Variants in TRIO observed in about 807,000 individuals in gnomAD.
TRIO encodes the protein trio Rho guanine nucleotide exchange factor.
TRIO carries 58 observed loss-of-function variants against 351.9 expected under a neutral mutation model. That is an observed-to-expected ratio of 0.16 (90% confidence interval 0.13 to 0.21). The LOEUF (loss-of-function observed/expected upper bound fraction) is 0.21, where lower values mean the gene tolerates loss of function less well. TRIO is among the 10% of genes least tolerant of loss of function. The probability of loss-of-function intolerance (pLI) is 1.00; values close to 1 mark genes in which losing one functional copy is unlikely to be tolerated. For synonymous variants in TRIO, 1,758 were observed against 1,595.7 expected (o/e 1.10, Z -2.42); for missense variants, 3,201 against 4,027.8 (o/e 0.79, Z 5.56).
At chr5:14,187,016 C>T (rs781111910) in intron 1 of TRIO, among the ~76,000 whole-genome samples, 7 of 152,026 alleles carry the variant, frequency 4.6e-5, no homozygotes, top group Non-Finnish European at 8.8e-5. Context: ...TTAGATAGGG[C>T]GTGAGGGCTT....
chr5:14,272,856 CTTGTG>C (rs768166008), intron 2 of TRIO, among the ~76,000 whole-genome samples: 6 of 152,204 alleles, frequency 3.9e-5, no homozygotes, highest in Non-Finnish European at 5.9e-5. Context: ...AAATTGACTA[CTTGTG>C]TTGTATTACA....
chr5:14,353,551 C>G (rs761487056), intron 11 of TRIO, among the ~76,000 whole-genome samples: 7 of 152,148 alleles, frequency 4.6e-5, no homozygotes, highest in Non-Finnish European at 8.8e-5. Flanking sequence ...GCGTGAACCA[C>G]CACACCCAGC....
chr5:14,215,301 C>G (rs940966235), intron 1 of TRIO, among the ~76,000 whole-genome samples: 2 of 152,204 alleles, frequency 1.3e-5, no homozygotes, highest in East Asian at 3.8e-4. Context: ...ATTTCTTTCA[C>G]AAACGTTCTT....
intron 1 of TRIO, among the ~76,000 whole-genome samples, chr5:14,209,455 C>T (rs1791748794): frequency 6.6e-6 from 1 of 152,234 alleles, no homozygotes; most frequent in South Asian, 2.1e-4. Context: ...TACTTTGAGG[C>T]AAGTCCCAGT....
At chr5:14,233,015 A>G (rs1215831436) in intron 1 of TRIO, among the ~76,000 whole-genome samples, 2 of 152,148 alleles carry the variant, frequency 1.3e-5, no homozygotes, top group Non-Finnish European at 1.5e-5. Context: ...GAGGGTGGGA[A>G]GTGCTGGGCT....
At chr5:14,482,841 C>T (rs1755634030) in intron 46 of TRIO, 68 bp downstream of exon 46, 5 of 1,347,032 alleles carry the variant, frequency 3.7e-6, no homozygotes, top group Non-Finnish European at 3.9e-6. Flanking sequence ...ACACTGTTTC[C>T]TTTTAATGAT....
chr5:14,414,708 C>T (rs564117903), intron 33 of TRIO, among the ~76,000 whole-genome samples: 60 of 151,942 alleles, frequency 3.9e-4, no homozygotes, highest in Admixed American at 6.5e-4. Context: ...CCTAGTGTAT[C>T]GGAGCCTATC....
At chr5:14,152,572 A>G (rs984854945) in intron 1 of TRIO, among the ~76,000 whole-genome samples, 5 of 152,128 alleles carry the variant, frequency 3.3e-5, no homozygotes, top group African/African-American at 9.7e-5. Context: ...GGGTTTCACC[A>G]TCTTGGCCAG....
At chr5:14,160,442 TG>T (rs1355008466) in intron 1 of TRIO, among the ~76,000 whole-genome samples, 1 of 152,212 alleles carries the variant, frequency 6.6e-6, no homozygotes, top group East Asian at 1.9e-4. Context: ...GTGTAATGAA[TG>T]AGCTGTTTAT....
intron 9 of TRIO, among the ~76,000 whole-genome samples, chr5:14,323,280 A>G (rs1431500097): frequency 6.6e-6 from 1 of 152,160 alleles, no homozygotes; most frequent in African/African-American, 2.4e-5. Context: ...TTTCCAGGTA[A>G]TAAAAGCAAG....
At chr5:14,371,993 A>G (rs1165977777) in intron 18 of TRIO, among the ~76,000 whole-genome samples, 1 of 152,116 alleles carries the variant, frequency 6.6e-6, no homozygotes, top group Non-Finnish European at 1.5e-5. Flanking sequence ...CAGGGTCCAC[A>G]TATTGATTTG....
At chr5:14,278,930 C>T (rs1007391749) in intron 2 of TRIO, among the ~76,000 whole-genome samples, 4 of 152,116 alleles carry the variant, frequency 2.6e-5, no homozygotes, top group African/African-American at 9.7e-5. Flanking sequence ...TTTGTCTGGG[C>T]GAAGACCTAG....
chr5:14,377,958 G>T (rs536713408), intron 19 of TRIO, 54 bp from the exon 20 acceptor site: 3 of 1,344,498 alleles, frequency 2.2e-6, no homozygotes, highest in African/African-American at 2.9e-5. Flanking sequence ...GAATTTCGCG[G>T]TTGTTTTAAT....
intron 34 of TRIO, among the ~76,000 whole-genome samples, chr5:14,447,308 T>C (rs1752510429): frequency 6.6e-6 from 1 of 152,216 alleles, no homozygotes; most frequent in Admixed American, 6.5e-5. Context: ...TTCCCCTTAA[T>C]GCTGTTATTA....
chr5:14,182,140 C>G (rs1202433952), intron 1 of TRIO, among the ~76,000 whole-genome samples: 1 of 151,600 alleles, frequency 6.6e-6, no homozygotes, highest in African/African-American at 2.4e-5. Context: ...AATGACGTCT[C>G]TGAGCTGTGT....
At chr5:14,271,467 G>A (rs369499039) in intron 2 of TRIO, among the ~76,000 whole-genome samples, 17 of 152,286 alleles carry the variant, frequency 1.1e-4, no homozygotes, top group African/African-American at 4.1e-4. Flanking sequence ...TGGCCCGCCC[G>A]CAGACAGACT....
chr5:14,289,550 CT>C (rs35139502), intron 4 of TRIO, among the ~76,000 whole-genome samples: 38,641 of 151,156 alleles, frequency 0.26, 5,718 homozygotes, highest in African/African-American at 0.4. Context: ...CCTTTTTTTC[CT>C]TTTTTAAAAA....
rs146479994 is a variant in TRIO, at chr5:14,438,154, T to C, written c.5203+18133T>C. 9.5e-3 allele frequency among the ~76,000 whole-genome samples: 1,452 copies of C among 152,342 alleles called. 22 individuals are homozygous for C. Among genetic ancestry groups the C allele is most frequent in the African/African-American group, 0.033 (1,389 of 41,590 alleles). ...ATTACACGTGTTCTCTTCCGCCAAG[T>C]GCCTGTGACGTTTGTCTCTGACCCA... On this transcript the variant is annotated intron_variant, in intron 34 of 56. Transcript: ENST00000344204.
In TRIO at chr5:14,482,565, T is replaced by C; in HGVS notation, c.6466-17T>C. The C allele has an allele frequency of 7.0e-7, 1 of 1,426,558 alleles. No individual in the cohort carries two copies. The highest frequency in any genetic ancestry group is 2.6e-5 in the East Asian group (1 of 38,840). The allele number at this position is 1,426,558 out of a possible 1,614,324, so 88.4% of individuals were successfully genotyped here. A position where few individuals can be genotyped will look rare whatever the true frequency, so the allele number is the denominator to read the frequency against. On this transcript the variant is annotated splice_polypyrimidine_tract_variant and intron_variant, in intron 45 of 56. Transcript: ENST00000344204. ...TTTCTTCTCCCCTTCCTTTTCCCCC[T>C]TTATTTCTTGTTTTAGGGGAAAATC...
Sources: allele counts gnomAD v4.1 joint callset (sites outside exome capture counted in the v4.1 genomes callset), GRCh38; gene constraint gnomAD v4.1.1; transcripts MANE v1.5; gene names NCBI Gene and HGNC (gene_info 2026-07-23, HGNC 2026-07-21).